Variants in DMD observed in about 807,000 individuals in gnomAD.
DMD encodes the protein mutant dystrophin.
DMD carries 63 observed loss-of-function variants against 330.1 expected under a neutral mutation model. The observed-to-expected ratio is 0.19, with a 90% CI of 0.16 to 0.24. The LOEUF (loss-of-function observed/expected upper bound fraction) is 0.24, where lower values mean the gene tolerates loss of function less well. Ranked by LOEUF, DMD falls within the 10% of genes least tolerant of loss-of-function variation. DMD has a pLI of 1.00. For missense variants in DMD, 3,344 were observed against 2,684.1 expected (o/e 1.25, Z -5.43); for synonymous variants, 1,223 against 959.8 (o/e 1.27, Z -5.07).
rs190043186 is a variant in DMD at position 32,422,884 on chromosome X, T to A, written c.4072-10971A>T. On this transcript the variant is annotated intron_variant, in intron 29 of 78. Coordinates refer to ENST00000357033, the MANE Select transcript of DMD (RefSeq NM_004006.3). ...AAGTAGCTTGCAAAGAAAACGGTTT[T>A]AAAAAGTTGAGAGTGGTAAAACGTA... 2.4e-3 allele frequency among the ~76,000 whole-genome samples: 273 copies of A among 111,468 alleles called. 1 individual carries two copies. The highest frequency in any genetic ancestry group is 8.2e-3 in the African/African-American group (252 of 30,792).
intron 9 of DMD, among the ~76,000 whole-genome samples, chrX:32,678,268 AG>A (rs1423979223): frequency 3.6e-5 from 4 of 112,494 alleles, no homozygotes; most frequent in African/African-American, 9.7e-5. Flanking sequence ...AGAAAAGAAC[AG>A]TTTTAACAAA....
intron 16 of DMD, among the ~76,000 whole-genome samples, chrX:32,559,222 G>T (rs757686290): frequency 1.8e-5 from 2 of 109,726 alleles, no homozygotes; most frequent in East Asian, 5.7e-4. Context: ...CAAAGTACTG[G>T]GATTACAAGT....
chrX:32,473,883 A>C (rs778616786), intron 21 of DMD, among the ~76,000 whole-genome samples: 37 of 110,460 alleles, frequency 3.3e-4, no homozygotes, highest in Non-Finnish European at 6.2e-4. Flanking sequence ...GTATTTGGTT[A>C]CATGAGTAAG....
rs750033728 is a variant in DMD at position 32,287,714 on chromosome X, A to C, written c.6118-13T>G. ...TATCTTTTATATTCTGTAATATAAA[A>C]ATTTTAAAACAGTAAAAAAATGAAT... On this transcript the variant is annotated splice_polypyrimidine_tract_variant and intron_variant, in intron 42 of 78. Transcript: ENST00000357033. 35 of 1,138,140 alleles carry C rather than the reference A, an allele frequency of 3.1e-5. No individual in the cohort carries two copies. The highest frequency in any genetic ancestry group is 5.5e-5 in the African/African-American group (3 of 54,112). The allele number at this position is 1,138,140 out of a possible 1,213,427, so 93.8% of individuals were successfully genotyped here.
chrX:31,390,235 A>G (rs1158584891), intron 60 of DMD, among the ~76,000 whole-genome samples: 1 of 108,909 alleles, frequency 9.2e-6, no homozygotes, highest in African/African-American at 3.3e-5. Flanking sequence ...TTGATTTTTG[A>G]CTGACTTCTC....
At chrX:31,797,583 A>C (rs1177598468) in intron 50 of DMD, among the ~76,000 whole-genome samples, 1 of 112,342 alleles carries the variant, frequency 8.9e-6, no homozygotes, top group Non-Finnish European at 1.9e-5. Context: ...AATGTGCATA[A>C]AAATAGAATT....
intron 16 of DMD, among the ~76,000 whole-genome samples, chrX:32,559,069 G>A (rs181561949): frequency 1.1e-3 from 115 of 102,261 alleles, no homozygotes; most frequent in Non-Finnish European, 1.8e-3. Context: ...TCCTGCCTCA[G>A]CCTCCCAAGT....
chrX:31,868,223 A>G (rs1377338021), intron 48 of DMD, among the ~76,000 whole-genome samples: 2 of 112,491 alleles, frequency 1.8e-5, no homozygotes, highest in Non-Finnish European at 3.8e-5. Context: ...GAATGAACTG[A>G]TAAAAGATTT....
chrX:33,237,217 C>A (rs2052503609), intron 1 of DMD, among the ~76,000 whole-genome samples: 1 of 85,884 alleles, frequency 1.2e-5, no homozygotes, highest in Non-Finnish European at 2.3e-5. Flanking sequence ...CCCTTCCTTC[C>A]CTCCCTCCCT....
intron 29 of DMD, among the ~76,000 whole-genome samples, chrX:32,423,443 T>C (rs773807643): frequency 7.1e-4 from 78 of 110,410 alleles, no homozygotes; most frequent in African/African-American, 2.4e-3. Flanking sequence ...TGAAATGCAG[T>C]ACATGATTAT....
At chrX:32,507,504 G>A (rs1002214445) in intron 18 of DMD, among the ~76,000 whole-genome samples, 3 of 111,364 alleles carry the variant, frequency 2.7e-5, no homozygotes, top group African/African-American at 9.8e-5. Context: ...ACTTATATTT[G>A]AATATCTCAG....
At chrX:32,281,241 T>G (rs1249728856) in intron 43 of DMD, among the ~76,000 whole-genome samples, 3 of 111,747 alleles carry the variant, frequency 2.7e-5, no homozygotes, top group African/African-American at 9.8e-5. Flanking sequence ...TCTAAAGCAG[T>G]AGTGCCCACA....
chrX:32,833,021 A>G (rs2079281521), intron 4 of DMD, among the ~76,000 whole-genome samples: 1 of 111,884 alleles, frequency 8.9e-6, no homozygotes, highest in African/African-American at 3.2e-5. Context: ...CAAAGATACT[A>G]TCTCTACCTT....
intron 60 of DMD, among the ~76,000 whole-genome samples, chrX:31,385,014 T>A (rs1486564434): frequency 8.9e-6 from 1 of 112,441 alleles, no homozygotes; most frequent in Non-Finnish European, 1.9e-5. Context: ...CAGGTCTCAA[T>A]GAGAAGAAAA....
chrX:31,201,278 G>C (rs1602640551), intron 67 of DMD, among the ~76,000 whole-genome samples: 1 of 112,100 alleles, frequency 8.9e-6, no homozygotes, highest in South Asian at 3.7e-4. Flanking sequence ...GGAGGCTGAG[G>C]TGGGAGGATC....
intron 1 of DMD, among the ~76,000 whole-genome samples, chrX:33,283,746 C>G (rs1033346079): frequency 9.0e-6 from 1 of 110,663 alleles, no homozygotes; most frequent in Non-Finnish European, 1.9e-5. Flanking sequence ...AGGCCAGGTG[C>G]GGTGGCTCAC....
At chrX:31,370,817 T>A (rs1288401598) in intron 60 of DMD, among the ~76,000 whole-genome samples, 7 of 111,935 alleles carry the variant, frequency 6.3e-5, no homozygotes, top group Non-Finnish European at 9.4e-5. Context: ...TAAACTAGGG[T>A]ATATCCAAAC....
chrX:33,074,302 G>A (rs2094805427), intron 1 of DMD, among the ~76,000 whole-genome samples: 1 of 111,411 alleles, frequency 9.0e-6, no homozygotes, highest in African/African-American at 3.3e-5. Flanking sequence ...AGGCACCCCT[G>A]GAGTCTCTCT....
intron 61 of DMD, among the ~76,000 whole-genome samples, chrX:31,326,186 C>A (rs1190104390): frequency 9.0e-6 from 1 of 110,578 alleles, no homozygotes; most frequent in East Asian, 2.8e-4. Flanking sequence ...CGTTGCCTGG[C>A]TGAGCTAATG....
Sources: gnomAD v4.1 joint callset for allele counts (sites outside exome capture counted in the v4.1 genomes callset) on GRCh38, gnomAD v4.1.1 for gene constraint, MANE v1.5 for transcripts, NCBI Gene and HGNC (gene_info 2026-07-23, HGNC 2026-07-21) for gene names.